The following PRKG1 variants were observed in gnomAD, a reference collection of about 807,000 sequenced individuals.
The protein encoded by PRKG1 is protein kinase cGMP-dependent 1.
A neutral mutation model predicts 88.1 loss-of-function variants in PRKG1; 35 were observed. That is an observed-to-expected ratio of 0.40 (90% CI 0.30 to 0.53). The LOEUF (loss-of-function observed/expected upper bound fraction) is 0.53, where lower values mean the gene tolerates loss of function less well. Ranked by LOEUF, PRKG1 falls within the 20% of genes least tolerant of loss-of-function variation. The pLI is 0.59. For missense variants in PRKG1, 540 were observed against 839.8 expected (o/e 0.64, Z 4.41); for synonymous variants, 303 against 292.5 (o/e 1.04, Z -0.37).
intron 2 of PRKG1, among the ~76,000 whole-genome samples, chr10:51,157,667 T>C (rs1226645555): frequency 6.6e-6 from 1 of 151,892 alleles, no homozygotes; most frequent in Non-Finnish European, 1.5e-5. Flanking sequence ...CTTAGAGATA[T>C]TGGTTTTGTT....
chr10:51,995,982 A>C (rs1014015088), intron 5 of PRKG1, among the ~76,000 whole-genome samples: 1 of 152,134 alleles, frequency 6.6e-6, no homozygotes, highest in African/African-American at 2.4e-5. Flanking sequence ...ATTAAACTAA[A>C]AAGCTTCTGC....
At chr10:51,630,883 C>T (rs1178116468) in intron 3 of PRKG1, among the ~76,000 whole-genome samples, 4 of 152,204 alleles carry the variant, frequency 2.6e-5, no homozygotes, top group African/African-American at 9.6e-5. Context: ...CTGAATGATG[C>T]TGTCAGTGCA....
chr10:51,677,017 C>T (rs1036678505), intron 3 of PRKG1, among the ~76,000 whole-genome samples: 1 of 152,124 alleles, frequency 6.6e-6, no homozygotes, highest in Non-Finnish European at 1.5e-5. Flanking sequence ...GCCCCTAAAG[C>T]CCCCTGTATG....
chr10:52,228,228 T>G (rs1840437848), intron 9 of PRKG1, among the ~76,000 whole-genome samples: 1 of 151,990 alleles, frequency 6.6e-6, no homozygotes, highest in Non-Finnish European at 1.5e-5. Context: ...TCACTTTCAT[T>G]CACTTTGTTT....
At chr10:51,287,975 A>C (rs1840484711) in intron 2 of PRKG1, among the ~76,000 whole-genome samples, 1 of 152,146 alleles carries the variant, frequency 6.6e-6, no homozygotes, top group Admixed American at 6.6e-5. Flanking sequence ...CATAAGATAG[A>C]GTTCTGGATC....
chr10:51,434,285 T>A (rs1476377294), intron 2 of PRKG1, among the ~76,000 whole-genome samples: 1 of 152,082 alleles, frequency 6.6e-6, no homozygotes, highest in Non-Finnish European at 1.5e-5. Context: ...TGCCATCAGT[T>A]ACTGTATCTG....
intron 3 of PRKG1, among the ~76,000 whole-genome samples, chr10:51,508,933 A>G (rs1012635844): frequency 6.6e-6 from 1 of 152,200 alleles, no homozygotes; most frequent in East Asian, 1.9e-4. Flanking sequence ...AGCTGACTTC[A>G]TGGCTGTGTG....
chr10:52,244,852 T>TC (rs1203274044), intron 9 of PRKG1, among the ~76,000 whole-genome samples: 4 of 69,106 alleles, frequency 5.8e-5, no homozygotes, highest in Admixed American at 1.6e-4. Context: ...ATTTAAATAT[T>TC]TTTATATATT....
intron 2 of PRKG1, among the ~76,000 whole-genome samples, chr10:51,412,026 A>G (rs1838101327): frequency 6.6e-6 from 1 of 152,198 alleles, no homozygotes; most frequent in South Asian, 2.1e-4. Context: ...ATTATCTGAT[A>G]TTAGTATCTA....
intron 2 of PRKG1, chr10:51,306,715 C>T (rs535313565): frequency 6.6e-6 from 1 of 152,224 alleles, no homozygotes; most frequent in South Asian, 2.1e-4. Flanking sequence ...GGATTCACGA[C>T]CAACTCATCC....
chr10:51,814,276 T>C (rs1839529591), intron 4 of PRKG1, among the ~76,000 whole-genome samples: 1 of 152,204 alleles, frequency 6.6e-6, no homozygotes, highest in African/African-American at 2.4e-5. Flanking sequence ...GCACAAATTC[T>C]ATAAAATACA....
chr10:51,261,876 T>G (rs1839715293), intron 2 of PRKG1, among the ~76,000 whole-genome samples: 1 of 147,410 alleles, frequency 6.8e-6, no homozygotes, highest in Admixed American at 6.7e-5. Flanking sequence ...GGTTAGGATT[T>G]TCTAATTTTT....
chr10:51,860,342 A>G (rs996270295), intron 4 of PRKG1, among the ~76,000 whole-genome samples: 7 of 152,202 alleles, frequency 4.6e-5, no homozygotes, highest in Non-Finnish European at 7.3e-5. Flanking sequence ...GCCTGAAAGA[A>G]CAGCTATTTA....
intron 2 of PRKG1, among the ~76,000 whole-genome samples, chr10:51,455,254 T>A (rs1485972401): frequency 6.6e-6 from 1 of 152,212 alleles, no homozygotes; most frequent in Non-Finnish European, 1.5e-5. Flanking sequence ...AGAGGGTCCT[T>A]GGGCCTAGCC....
chr10:52,161,911 G>A lies in PRKG1; in HGVS notation c.1024G>A (p.Gly342Arg). The change falls in exon 9 of 18, where the codon GGG becomes AGG. Residue 342 changes from glycine (G) to arginine (R), a missense_variant. Gly to Arg is a moderately radical substitution (Grantham distance 125, BLOSUM62 -2). This residue lies in a region of PRKG1 where 400 missense variants were observed against 562.7 expected (regional missense o/e 0.71). Transcript: ENST00000373980. ...CAGCTCTTTTAAACATTTGATTGGA[G>A]GGCTGGATGATGTTTCTAATAAAGC... ...DRDSFKHLIG[G>R]LDDVSNKAYE... 6.2e-7 allele frequency: 1 copy of A among 1,612,620 alleles called. No individual in the cohort carries two copies. Among genetic ancestry groups the A allele is most frequent in the South Asian group, 1.1e-5 (1 of 90,986 alleles).
At chr10:51,215,083 C>T (rs888405221) in intron 2 of PRKG1, among the ~76,000 whole-genome samples, 1 of 152,004 alleles carries the variant, frequency 6.6e-6, no homozygotes, top group Non-Finnish European at 1.5e-5. Flanking sequence ...ATCATGTTTC[C>T]AAAAAGAGAA....
intron 3 of PRKG1, among the ~76,000 whole-genome samples, chr10:51,583,609 CTAGAA>C (rs1020167559): frequency 3.3e-5 from 5 of 152,068 alleles, no homozygotes; most frequent in Non-Finnish European, 7.4e-5. Context: ...TCTTCTCTAT[CTAGAA>C]TATAGTGCAG....
Position 52,157,306 on chromosome 10 carries a change from G to GATAT in PRKG1, c.1002-4554_1002-4551dup, listed in dbSNP as rs142784154. On this transcript the variant is annotated intron_variant, in intron 8 of 17. Coordinates refer to ENST00000373980, the MANE Select transcript of PRKG1 (RefSeq NM_006258.4). ...TATATATATTGTGTGTGAGTTAGTTGATATATATATATATATATATATATA... is the reference window on the plus strand; with the variant it reads ...TATATATATTGTGTGTGAGTTAGTTGATATATATATATATATATATATATATATA... 1.6e-3 allele frequency among the ~76,000 whole-genome samples: 198 copies of GATAT among 125,880 alleles called. 1 individual carries two copies. Among genetic ancestry groups the GATAT allele is most frequent in the East Asian group, 9.3e-3 (35 of 3,764 alleles). 82.6% of individuals were successfully genotyped at this position (125,880 alleles called of 152,430 possible). A position where few individuals can be genotyped will look rare whatever the true frequency, so the allele number is the denominator to read the frequency against.
At chr10:51,168,876 T>G (rs1262310539) in intron 2 of PRKG1, among the ~76,000 whole-genome samples, 1 of 152,210 alleles carries the variant, frequency 6.6e-6, no homozygotes, top group African/African-American at 2.4e-5. Flanking sequence ...AAGTGCTTAT[T>G]GTTCTGTTAA....
Sources: allele counts gnomAD v4.1 joint callset (sites outside exome capture counted in the v4.1 genomes callset), GRCh38; gene constraint gnomAD v4.1.1; regional missense constraint gnomAD v4.1.1; transcripts MANE v1.5; gene names NCBI Gene and HGNC (gene_info 2026-07-23, HGNC 2026-07-21).